Variants in NDST3 observed in about 807,000 individuals in gnomAD.
NDST3 encodes bifunctional heparan sulfate N-deacetylase/N-sulfotransferase 3.
In NDST3, 58 loss-of-function variants were observed where a neutral mutation model predicts 96.1. The ratio of observed to expected loss-of-function variants is 0.60; its 90% CI spans 0.49 to 0.75. The LOEUF is 0.75. Ranked by LOEUF, NDST3 falls within the 30% of genes least tolerant of loss-of-function variation. The pLI is 0.00. For missense variants in NDST3, 788 were observed against 1,034.2 expected (o/e 0.76, Z 3.27); for synonymous variants, 333 against 359.7 (o/e 0.93, Z 0.84).
At chr4:118,073,974 A>G (rs1727290134) in intron 2 of NDST3, among the ~76,000 whole-genome samples, 1 of 152,086 alleles carries the variant, frequency 6.6e-6, no homozygotes, top group Non-Finnish European at 1.5e-5. Flanking sequence ...GGTAGGTTGT[A>G]TCTTTGTTCT....
intron 12 of NDST3, among the ~76,000 whole-genome samples, chr4:118,251,020 G>T (rs1472758982): frequency 6.7e-6 from 1 of 149,928 alleles, no homozygotes; most frequent in Non-Finnish European, 1.5e-5. Context: ...CTAACCCAAG[G>T]TTGCAAAATT....
At chr4:118,107,228 T>C (rs996965923) in intron 3 of NDST3, among the ~76,000 whole-genome samples, 5 of 152,208 alleles carry the variant, frequency 3.3e-5, no homozygotes, top group African/African-American at 9.6e-5. Flanking sequence ...ACTCTCATTC[T>C]GAATTTCCCT....
chr4:118,170,784 G>A (rs1735893168), intron 6 of NDST3, among the ~76,000 whole-genome samples: 1 of 152,092 alleles, frequency 6.6e-6, no homozygotes, highest in African/African-American at 2.4e-5. Context: ...TCAGAGAATA[G>A]GTAAAGGTTA....
At chr4:118,161,887 C>T (rs912249761) in intron 6 of NDST3, among the ~76,000 whole-genome samples, 10 of 152,132 alleles carry the variant, frequency 6.6e-5, no homozygotes, top group South Asian at 4.1e-4. Context: ...CACTGTCCTG[C>T]GCCCACTGTC....
chr4:118,133,716 A>G (rs972037490), intron 4 of NDST3, among the ~76,000 whole-genome samples: 1 of 152,202 alleles, frequency 6.6e-6, no homozygotes, highest in African/African-American at 2.4e-5. Flanking sequence ...TTACATAGAT[A>G]TTAAAATTTC....
At chr4:118,127,291 C>A (rs1732189052) in intron 4 of NDST3, among the ~76,000 whole-genome samples, 1 of 152,000 alleles carries the variant, frequency 6.6e-6, no homozygotes, top group African/African-American at 2.4e-5. Flanking sequence ...TGGAGAGTTT[C>A]CCCCATGTTT....
At chr4:118,130,323 T>C (rs1732508517) in intron 4 of NDST3, among the ~76,000 whole-genome samples, 2 of 152,110 alleles carry the variant, frequency 1.3e-5, no homozygotes, top group African/African-American at 4.8e-5. Context: ...GTGCTTTAAC[T>C]TCTTGCTTGT....
At chr4:118,141,348 G>GA (rs1197653272) in intron 5 of NDST3, among the ~76,000 whole-genome samples, 2 of 152,094 alleles carry the variant, frequency 1.3e-5, no homozygotes, top group Non-Finnish European at 2.9e-5. Flanking sequence ...CGGTGCCACT[G>GA]CATTTATGGA....
intron 4 of NDST3, among the ~76,000 whole-genome samples, chr4:118,134,095 T>C (rs1472373373): frequency 6.6e-6 from 1 of 152,208 alleles, no homozygotes; most frequent in African/African-American, 2.4e-5. Context: ...TCCAAAGATA[T>C]GACAGAATAA....
intron 6 of NDST3, among the ~76,000 whole-genome samples, chr4:118,203,065 G>A (rs1738200044): frequency 6.6e-6 from 1 of 152,178 alleles, no homozygotes; most frequent in Non-Finnish European, 1.5e-5. Flanking sequence ...CATCTATTGA[G>A]AAGATAATTT....
intron 6 of NDST3, among the ~76,000 whole-genome samples, chr4:118,153,286 A>C (rs1163770164): frequency 6.6e-6 from 1 of 152,160 alleles, no homozygotes; most frequent in African/African-American, 2.4e-5. Context: ...TTGGAATGCA[A>C]GTTCCAATAG....
intron 12 of NDST3, among the ~76,000 whole-genome samples, chr4:118,247,522 A>G (rs1169545876): frequency 6.6e-6 from 1 of 152,108 alleles, no homozygotes; most frequent in Non-Finnish European, 1.5e-5. Flanking sequence ...ACTGCAATCC[A>G]GCCTGGGCGA....
intron 2 of NDST3, among the ~76,000 whole-genome samples, chr4:118,076,348 A>G (rs1187571863): frequency 2.6e-5 from 4 of 152,164 alleles, no homozygotes; most frequent in Admixed American, 6.5e-5. Flanking sequence ...GGCCTTTCTC[A>G]CAAGTTTGGG....
chr4:118,129,271 A>C (rs999046935), intron 4 of NDST3, among the ~76,000 whole-genome samples: 4 of 151,712 alleles, frequency 2.6e-5, no homozygotes, highest in African/African-American at 9.7e-5. Context: ...TTTAAGATGC[A>C]TTGTTAGATT....
intron 2 of NDST3, among the ~76,000 whole-genome samples, chr4:118,064,222 T>C (rs1454389563): frequency 6.6e-6 from 1 of 152,206 alleles, no homozygotes; most frequent in East Asian, 1.9e-4. Flanking sequence ...AAAGTCTGTG[T>C]GATGTTGTAA....
intron 6 of NDST3, among the ~76,000 whole-genome samples, chr4:118,192,402 T>G (rs1578792771): frequency 6.6e-6 from 1 of 152,322 alleles, no homozygotes; most frequent in Non-Finnish European, 1.5e-5. Context: ...CTTGTAGTAG[T>G]TTCACAGTTT....
intron 2 of NDST3, among the ~76,000 whole-genome samples, chr4:118,077,529 C>T (rs1269324131): frequency 6.6e-6 from 1 of 152,176 alleles, no homozygotes; most frequent in Non-Finnish European, 1.5e-5. Context: ...GAGCCCCCTC[C>T]AATCACTGGC....
At chr4:118,148,823 T>C (rs1217849860) in intron 6 of NDST3, among the ~76,000 whole-genome samples, 2 of 152,184 alleles carry the variant, frequency 1.3e-5, no homozygotes, top group African/African-American at 4.8e-5. Flanking sequence ...ATTCTAATAA[T>C]AGGAGACCCT....
At chr4:118,184,604 C>CACACACAT (rs1736818182) in intron 6 of NDST3, among the ~76,000 whole-genome samples, 1 of 116,304 alleles carries the variant, frequency 8.6e-6, no homozygotes, top group Non-Finnish European at 1.7e-5. Context: ...TCTCTCTCTA[C>CACACACAT]ACACACACAC....
Sources: gnomAD v4.1 joint callset for allele counts (sites outside exome capture counted in the v4.1 genomes callset) on GRCh38, gnomAD v4.1.1 for gene constraint, MANE v1.5 for transcripts, NCBI Gene and HGNC (gene_info 2026-07-23, HGNC 2026-07-21) for gene names.